BLTP1: variants seen among roughly 807,000 people sequenced by gnomAD.
BLTP1 encodes the protein fragile site-associated protein.
the BLTP1 span, among the ~76,000 whole-genome samples, chr4:122,348,236 C>T: frequency 1.3e-5 from 2 of 152,282 alleles, no homozygotes; most frequent in Admixed American, 6.5e-5. Context: ...TTGGCAACAG[C>T]ACCTTATGAT....
chr4:122,177,087 C>T, the BLTP1 span, among the ~76,000 whole-genome samples: 7 of 152,182 alleles, frequency 4.6e-5, no homozygotes, highest in African/African-American at 1.7e-4. Flanking sequence ...GCCTACTCAG[C>T]GTCTCCAATT....
chr4:122,229,769 G>A, the BLTP1 span: 1 of 953,752 alleles, frequency 1.0e-6, no homozygotes, highest in Non-Finnish European at 1.2e-6. Flanking sequence ...TTCCCTTCTT[G>A]TCCCTTTCCC....
At chr4:122,220,043 T>C in the BLTP1 span, among the ~76,000 whole-genome samples, 2 of 152,256 alleles carry the variant, frequency 1.3e-5, no homozygotes, top group South Asian at 4.1e-4. Flanking sequence ...CTGTTCTGGC[T>C]GACATGGAAT....
At chr4:122,276,723 C>T in the BLTP1 span, 27 of 917,118 alleles carry the variant, frequency 2.9e-5, no homozygotes, top group African/African-American at 1.6e-4. Context: ...AGGCCAATTC[C>T]GTAAACTACT....
chr4:122,289,902 CTGTG>C, the BLTP1 span: 1 of 573,878 alleles, frequency 1.7e-6, no homozygotes, highest in Non-Finnish European at 2.2e-6. Flanking sequence ...TGCTATGAGT[CTGTG>C]TCATAGGAAA....
At chr4:122,202,269 A>G in the BLTP1 span, among the ~76,000 whole-genome samples, 5 of 152,118 alleles carry the variant, frequency 3.3e-5, no homozygotes, top group African/African-American at 1.2e-4. Context: ...CAGAGCATTG[A>G]ATAAACACTT....
the BLTP1 span, among the ~76,000 whole-genome samples, chr4:122,232,555 C>T: frequency 6.6e-6 from 1 of 151,882 alleles, no homozygotes; most frequent in Non-Finnish European, 1.5e-5. Context: ...TGCAGTGAGC[C>T]AAGATTGCGC....
At chr4:122,346,867 G>T in the BLTP1 span, 1 of 1,499,310 alleles carries the variant, frequency 6.7e-7, no homozygotes, top group Non-Finnish European at 8.9e-7. Flanking sequence ...GATGCGTTCA[G>T]TCATTCAAGA....
chr4:122,357,808 C>T, the BLTP1 span, among the ~76,000 whole-genome samples: 1 of 152,132 alleles, frequency 6.6e-6, no homozygotes, highest in Non-Finnish European at 1.5e-5. Flanking sequence ...TCAAGTCACA[C>T]TATAATATTG....
At chr4:122,315,549 G>A in the BLTP1 span, 1 of 1,614,092 alleles carries the variant, frequency 6.2e-7, no homozygotes, top group South Asian at 1.1e-5. Context: ...ATTGGCAAAA[G>A]GCTTAATGCT....
the BLTP1 span, chr4:122,249,300 TTC>T: frequency 1.5e-6 from 1 of 668,798 alleles, no homozygotes; most frequent in South Asian, 6.7e-5. Flanking sequence ...TCATAAAATC[TTC>T]TTTTCTTCCT....
the BLTP1 span, chr4:122,305,405 T>A: frequency 1.0e-6 from 1 of 953,770 alleles, no homozygotes; most frequent in Non-Finnish European, 1.2e-6. Context: ...TTTATAAAAA[T>A]GAATGTTCAC....
chr4:122,204,936 A>G, the BLTP1 span: 1 of 349,178 alleles, frequency 2.9e-6, no homozygotes, highest in African/African-American at 2.2e-5. Context: ...GTCTATTAAT[A>G]GAACAGGTTA....
chr4:122,239,849 T>A, the BLTP1 span: 1 of 1,614,180 alleles, frequency 6.2e-7, no homozygotes, highest in Non-Finnish European at 8.5e-7. Flanking sequence ...TGTCAATGGC[T>A]GATAGTGAAG....
the BLTP1 span, chr4:122,324,663 A>C: frequency 1.5e-6 from 1 of 661,356 alleles, no homozygotes; most frequent in Non-Finnish European, 2.4e-6. Context: ...GTAAAATAGC[A>C]ATAACAGTGG....
At chr4:122,170,197 G>A in the BLTP1 span, 1 of 333,036 alleles carries the variant, frequency 3.0e-6, no homozygotes, top group African/African-American at 2.3e-5. Flanking sequence ...TCCCAGCTAC[G>A]AGGTAGGCTG....
At chr4:122,353,266 T>G in the BLTP1 span, 2 of 1,490,066 alleles carry the variant, frequency 1.3e-6, no homozygotes, top group Admixed American at 4.5e-5. The surrounding 1 kb of genome is among the most constrained non-coding windows in gnomAD (Gnocchi z 4.3). Context: ...TCTGACATGT[T>G]AAGGAGTTCA....
the BLTP1 span, among the ~76,000 whole-genome samples, chr4:122,275,422 C>T: frequency 6.6e-6 from 1 of 152,058 alleles, no homozygotes; most frequent in Admixed American, 6.6e-5. Flanking sequence ...TATAATGCTT[C>T]TACTGAAAGT....
At chr4:122,219,496 C>T in the BLTP1 span, 1 of 1,613,668 alleles carries the variant, frequency 6.2e-7, no homozygotes, top group Non-Finnish European at 8.5e-7. Flanking sequence ...GTCAATTCAT[C>T]CACTTGCCTT....
Sources: gnomAD v4.1 joint callset for allele counts (sites outside exome capture counted in the v4.1 genomes callset) on GRCh38, gnomAD v4.1.1 for gene constraint, Gnocchi (gnomAD v3.1) non-coding constraint, MANE v1.5 for transcripts, NCBI Gene and HGNC (gene_info 2026-07-23, HGNC 2026-07-21) for gene names.